The following CDYL variants were observed in gnomAD, a reference collection of about 807,000 sequenced individuals.
CDYL encodes the protein chromodomain Y like.
In CDYL, 8 loss-of-function variants were observed where a neutral mutation model predicts 47.3. The ratio of observed to expected loss-of-function variants is 0.17; its 90% confidence interval spans 0.10 to 0.31. The LOEUF is 0.31. Among genes scored for constraint, CDYL ranks in the 10% least tolerant of loss-of-function variants. CDYL has a pLI of 1.00. For missense variants in CDYL, 471 were observed against 701.4 expected, an observed-to-expected ratio of 0.67 and a Z score of 3.71; for synonymous variants, 266 against 265.0, an observed-to-expected ratio of 1.00 and a Z score of -0.04.
At chr6:4,813,875 A>T (rs1759595887) in intron 1 of CDYL, among the ~76,000 whole-genome samples, 1 of 151,740 alleles carries the variant, frequency 6.6e-6, no homozygotes, top group Non-Finnish European at 1.5e-5. Flanking sequence ...CCAGGCTCCA[A>T]CGATCCTTCC....
At chr6:4,943,418 TA>T (rs1758419381) in intron 4 of CDYL, 127 bp from the exon 5 acceptor site, 1 of 698,814 alleles carries the variant, frequency 1.4e-6, no homozygotes, top group Non-Finnish European at 2.4e-6. Context: ...GGGAAGGCCT[TA>T]AACAAATCTC....
intron 3 of CDYL, among the ~76,000 whole-genome samples, chr6:4,757,304 CT>C (rs1386086913): frequency 6.6e-6 from 1 of 152,200 alleles, no homozygotes; most frequent in African/African-American, 2.4e-5. Context: ...GACTCTCCTA[CT>C]TTTTGTGTGG....
At chr6:4,868,910 G>A (rs967018788) in intron 1 of CDYL, among the ~76,000 whole-genome samples, 1 of 152,062 alleles carries the variant, frequency 6.6e-6, no homozygotes, top group Non-Finnish European at 1.5e-5. Flanking sequence ...CTCTTTGTCT[G>A]TAGTAATATT....
At chr6:4,733,848 CT>C (rs1325895799) in intron 2 of CDYL, among the ~76,000 whole-genome samples, 1 of 64,098 alleles carries the variant, frequency 1.6e-5, no homozygotes, top group Non-Finnish European at 2.7e-5. Flanking sequence ...TTCTTTTCTT[CT>C]TCTTTTTTTT....
In CDYL at chr6:4,900,797, A is replaced by ATATATATATATATATT. The variant is rs1757015531; in HGVS notation, c.691+8433_691+8434insTTATATATATATATAT. 4.2e-5 allele frequency among the ~76,000 whole-genome samples: 3 copies of ATATATATATATATATT among 71,934 alleles called. 1 individual carries two copies. The highest frequency in any genetic ancestry group is 8.2e-5 in the Non-Finnish European group (3 of 36,724). 47.2% of individuals were successfully genotyped at this position (71,934 alleles called of 152,430 possible). A position where few individuals can be genotyped will look rare whatever the true frequency, so the allele number is the denominator to read the frequency against. On this transcript the variant is annotated intron_variant, in intron 2 of 6. Transcript: ENST00000397588. ...TACGTGTGTATATATATATATATAT[A>ATATATATATATATATT]TATATATATATATATATATATATAT...
chr6:4,905,961 T>C (rs1757222696), intron 2 of CDYL, among the ~76,000 whole-genome samples: 1 of 152,164 alleles, frequency 6.6e-6, no homozygotes, highest in Non-Finnish European at 1.5e-5. Context: ...CAACAGTAAT[T>C]GTGGGAATTG....
chr6:4,749,166 A>G (rs1757945601), intron 3 of CDYL, among the ~76,000 whole-genome samples: 1 of 152,258 alleles, frequency 6.6e-6, no homozygotes, highest in Non-Finnish European at 1.5e-5. Flanking sequence ...AAGTAAGTCA[A>G]TAAACATTTC....
At chr6:4,899,575 G>A (rs1195316488) in intron 2 of CDYL, among the ~76,000 whole-genome samples, 5 of 152,164 alleles carry the variant, frequency 3.3e-5, no homozygotes, top group Non-Finnish European at 7.4e-5. Context: ...ATGCCGTCTC[G>A]GCCCAGTTTC....
Position 4,721,142 on chromosome 6 carries a change from T to C in CDYL, c.103+5261T>C, listed in dbSNP as rs1320032697. Among the ~76,000 whole-genome samples, 13 of 152,314 alleles carry C rather than the reference T, an allele frequency of 8.5e-5. No individual in the cohort carries two copies. The East Asian group carries it at 2.3e-3, about 27-fold the overall frequency. ...ATCTTTCTATTTCTCAGGATAACCA[T>C]ATGCAGGAAGGATAGGGAAACAATA... On this transcript the variant is annotated intron_variant, in intron 2 of 8. Transcript: ENST00000328908.
intron 2 of CDYL, among the ~76,000 whole-genome samples, chr6:4,924,690 C>T (rs751721228): frequency 5.9e-5 from 9 of 151,960 alleles, no homozygotes; most frequent in African/African-American, 2.2e-4. Context: ...AATTTTTTCT[C>T]GAGTCAACCA....
At chr6:4,816,576 G>A (rs985666891) in intron 1 of CDYL, among the ~76,000 whole-genome samples, 2 of 147,910 alleles carry the variant, frequency 1.4e-5, no homozygotes, top group Non-Finnish European at 3.0e-5. Flanking sequence ...TTGGCTCACT[G>A]CAACCTCCAC....
intron 2 of CDYL, among the ~76,000 whole-genome samples, chr6:4,931,781 G>A (rs1422651265): frequency 6.6e-6 from 1 of 152,190 alleles, no homozygotes; most frequent in African/African-American, 2.4e-5. Context: ...AAATGAGCAG[G>A]GACCTCACTG....
At chr6:4,780,049 T>C (rs1758569316) in intron 1 of CDYL, among the ~76,000 whole-genome samples, 1 of 152,186 alleles carries the variant, frequency 6.6e-6, no homozygotes, top group Non-Finnish European at 1.5e-5. Context: ...CTGTAGGTTG[T>C]TGTTTGTTAA....
chr6:4,922,845 G>A (rs946863812), intron 2 of CDYL, among the ~76,000 whole-genome samples: 1 of 152,176 alleles, frequency 6.6e-6, no homozygotes, highest in Non-Finnish European at 1.5e-5. Context: ...TGCAGCGGGT[G>A]CCCAGCCTCG....
chr6:4,934,357 G>A (rs961741913), intron 2 of CDYL, among the ~76,000 whole-genome samples: 2 of 152,004 alleles, frequency 1.3e-5, no homozygotes, highest in African/African-American at 4.8e-5. Context: ...AAAACCTCTA[G>A]CAATTAAAAT....
intron 2 of CDYL, among the ~76,000 whole-genome samples, chr6:4,896,278 G>T (rs2127490099): frequency 6.6e-6 from 1 of 152,350 alleles, no homozygotes; most frequent in East Asian, 1.9e-4. Context: ...GTGGATTTGG[G>T]AGGGTCAGTT....
chr6:4,918,701 A>G (rs1757625717), intron 2 of CDYL, among the ~76,000 whole-genome samples: 1 of 152,232 alleles, frequency 6.6e-6, no homozygotes, highest in South Asian at 2.1e-4. Context: ...GTTCACTTTT[A>G]AGGATTTCCC....
intron 1 of CDYL, among the ~76,000 whole-genome samples, chr6:4,855,820 C>T (rs971638588): frequency 1.3e-5 from 2 of 152,196 alleles, no homozygotes; most frequent in African/African-American, 2.4e-5. Flanking sequence ...GGGTCTCCAC[C>T]TGCAGTTAGA....
rs532375095 is a variant in CDYL, at chr6:4,951,568, G to A, written c.1333-698G>A. On this transcript the variant is annotated intron_variant, in intron 5 of 6. Transcript: ENST00000397588. The stretch of plus-strand genomic sequence containing the variant: ...TAATGTTAGCTTTCTCCACTGAGCC[G>A]TGTGAGGTGACTGTAGCCAGCCCCT... 5.3e-5 allele frequency among the ~76,000 whole-genome samples: 8 copies of A among 151,990 alleles called. 1 individual carries two copies. The South Asian group carries it at 8.3e-4, about 16-fold the overall frequency.
Sources: allele counts gnomAD v4.1 joint callset (sites outside exome capture counted in the v4.1 genomes callset), GRCh38; gene constraint gnomAD v4.1.1; transcripts MANE v1.5; gene names NCBI Gene and HGNC (gene_info 2026-07-23, HGNC 2026-07-21).